MTCL1: variants seen among roughly 807,000 people sequenced by gnomAD.
The protein encoded by MTCL1 is microtubule crosslinking factor 1.
In MTCL1, 79 loss-of-function variants were observed where a neutral mutation model predicts 141.4. That is an observed-to-expected ratio of 0.56 (90% CI 0.47 to 0.67). The LOEUF (loss-of-function observed/expected upper bound fraction) is 0.67. Ranked by LOEUF, MTCL1 falls within the 30% of genes least tolerant of loss-of-function variation. MTCL1 has a pLI of 0.00. For missense variants in MTCL1, 2,177 were observed against 2,113.9 expected, an observed-to-expected ratio of 1.03 and a Z score of -0.59; for synonymous variants, 914 against 875.8, an observed-to-expected ratio of 1.04 and a Z score of -0.77.
chr18:8,769,730 T>C lies in MTCL1; in HGVS notation c.358-8103T>C, dbSNP rs185077805. On this transcript the variant is annotated intron_variant, in intron 4 of 16. Coordinates refer to ENST00000359865, the Ensembl canonical transcript of MTCL1. ...GCCTTCCCAAACTCTTTGACTTGGA[T>C]GCTGGGAATCCTGAACCATGCTCTG... Among the ~76,000 whole-genome samples, 13 of 152,348 alleles carry C rather than the reference T, an allele frequency of 8.5e-5. No homozygotes were observed. In the East Asian group the frequency reaches 2.5e-3, roughly 29 times the overall value.
chr18:8,776,846 C>T (rs530707745), intron 4 of MTCL1, among the ~76,000 whole-genome samples: 3 of 152,072 alleles, frequency 2.0e-5, no homozygotes, highest in African/African-American at 4.8e-5. Flanking sequence ...ATTGCAGCCT[C>T]GAACTCCTGG....
intron 4 of MTCL1, among the ~76,000 whole-genome samples, chr18:8,745,024 A>G (rs1454720622): frequency 2.0e-5 from 3 of 152,224 alleles, no homozygotes; most frequent in African/African-American, 7.2e-5. Flanking sequence ...TACAGCTGCC[A>G]ATGGAGGATC....
At chr18:8,768,406 C>T (rs1015707303) in intron 4 of MTCL1, among the ~76,000 whole-genome samples, 12 of 152,166 alleles carry the variant, frequency 7.9e-5, no homozygotes, top group Admixed American at 7.9e-4. Context: ...ACTGTATATA[C>T]AAAGTTTTAC....
At position 8,828,509 on chromosome 18, in the gene MTCL1, G is replaced by A. The variant is rs556369122; in HGVS notation, c.4723-399G>A. Among the ~76,000 whole-genome samples the A allele has an allele frequency of 6.6e-5, 10 of 152,284 alleles. No individual in the cohort carries two copies. In the South Asian group the frequency reaches 1.5e-3, roughly 22 times the overall value. ...CTTGGCTGTTGTGACCGAAACAAAC[G>A]CAGCCGTATAATAGTCTCTGTTTTA... is the stretch of plus-strand genomic sequence containing the variant. On this transcript the variant is annotated intron_variant, in intron 15 of 16. Coordinates refer to ENST00000359865, the Ensembl canonical transcript of MTCL1. The surrounding 1 kb of genome is among the most constrained non-coding windows in gnomAD (Gnocchi z 5.2).
Position 8,723,105 on chromosome 18 carries a change from C to T in MTCL1, c.357+2609C>T, listed in dbSNP as rs77572751. On this transcript the variant is annotated intron_variant, in intron 4 of 16. Coordinates refer to ENST00000359865, the Ensembl canonical transcript of MTCL1. ...CCATTGGAATGAAATAAGTATTTTA[C>T]TTCCAGAGTTGCATTCAGGGTGGTG... 5.0e-4 allele frequency among the ~76,000 whole-genome samples: 76 copies of T among 152,298 alleles called. 1 individual carries two copies. In the East Asian group the frequency reaches 0.014, roughly 28 times the overall value.
Position 8,786,619 on chromosome 18 carries a change from G to A in MTCL1, c.1887+528G>A, listed in dbSNP as rs572093702. 33 of 331,076 alleles carry A rather than the reference G, an allele frequency of 1.0e-4. 1 individual carries two copies. Among genetic ancestry groups the A allele is most frequent in the African/African-American group, 3.9e-4 (18 of 46,584 alleles). 20.5% of individuals were successfully genotyped at this position (331,076 alleles called of 1,614,324 possible). ...GCAGTGTCTGTCACCACAGTAACCCGGTATACACAAGGCTTCAGCCACCAC... is the reference window on the plus strand; with the variant it reads ...GCAGTGTCTGTCACCACAGTAACCCAGTATACACAAGGCTTCAGCCACCAC... On this transcript the variant is annotated intron_variant, in intron 7 of 16. Transcript: ENST00000359865.
At chr18:8,738,679 T>A (rs2096285893) in intron 4 of MTCL1, among the ~76,000 whole-genome samples, 1 of 152,236 alleles carries the variant, frequency 6.6e-6, no homozygotes, top group Non-Finnish European at 1.5e-5. Flanking sequence ...AACTGCTTTT[T>A]AAAGTCAGGT....
chr18:8,717,907 C>T (rs751940613), exon 2 of MTCL1: 109 of 992,284 alleles, frequency 1.1e-4, no homozygotes, highest in Non-Finnish European at 1.3e-4. Flanking sequence ...TGGATAGCGT[C>T]GCTTAGTCAA....
chr18:8,781,697 C>T (rs2096533191), intron 5 of MTCL1, among the ~76,000 whole-genome samples: 1 of 152,212 alleles, frequency 6.6e-6, no homozygotes, highest in African/African-American at 2.4e-5. Context: ...TTGACCCTCA[C>T]AACGACGTTG....
chr18:8,784,293 A>G (rs2096542963), exon 6 of MTCL1: 1 of 1,583,614 alleles, frequency 6.3e-7, no homozygotes, highest in South Asian at 1.2e-5. Context: ...GCGGGCAAGA[A>G]GGAGAGTGAT....
At chr18:8,781,947 T>G (rs1014055340) in intron 5 of MTCL1, 1 of 152,310 alleles carries the variant, frequency 6.6e-6, no homozygotes, top group Non-Finnish European at 1.5e-5. Flanking sequence ...GGCTGCACAC[T>G]TGGTCGTAGG....
chr18:8,722,304 G>A (rs1198153726), intron 4 of MTCL1, among the ~76,000 whole-genome samples: 1 of 152,130 alleles, frequency 6.6e-6, no homozygotes, highest in Non-Finnish European at 1.5e-5. Flanking sequence ...ATGTCTTGTA[G>A]TCCTAGATAC....
chr18:8,826,435 A>T (rs2077029505), intron 15 of MTCL1, among the ~76,000 whole-genome samples: 1 of 152,204 alleles, frequency 6.6e-6, no homozygotes, highest in African/African-American at 2.4e-5. Flanking sequence ...AGAAAATGTT[A>T]TTTTATTGTC....
chr18:8,812,721 T>C (rs555423174), intron 11 of MTCL1: 115 of 450,472 alleles, frequency 2.6e-4, no homozygotes, highest in African/African-American at 2.2e-3. Flanking sequence ...AGGCAAGAGA[T>C]AGTGGTGACT....
At chr18:8,767,736 A>G (rs1567999266) in intron 4 of MTCL1, among the ~76,000 whole-genome samples, 1 of 152,136 alleles carries the variant, frequency 6.6e-6, no homozygotes, top group Non-Finnish European at 1.5e-5. Flanking sequence ...GTCCTTAAAA[A>G]ATGAGAACCT....
At chr18:8,806,810 C>A in intron 10 of MTCL1, 83 bp from the exon 10 acceptor site, 2 of 1,266,234 alleles carry the variant, frequency 1.6e-6, no homozygotes, top group East Asian at 3.3e-5. Flanking sequence ...CCCCACACTA[C>A]CTTGATAGCC....
intron 12 of MTCL1, among the ~76,000 whole-genome samples, chr18:8,816,407 T>A (rs1312385538): frequency 6.6e-6 from 1 of 152,240 alleles, no homozygotes; most frequent in Non-Finnish European, 1.5e-5. Context: ...CTGCACCACA[T>A]GAGGCATGTT....
exon 8 of MTCL1, chr18:8,793,011 C>T: frequency 6.2e-7 from 1 of 1,614,036 alleles, no homozygotes; most frequent in Non-Finnish European, 8.5e-7. Context: ...AGGGGCCCCC[C>T]CGTTTTACCT....
chr18:8,726,513 G>C (rs1235866857), intron 4 of MTCL1, among the ~76,000 whole-genome samples: 4 of 133,046 alleles, frequency 3.0e-5, no homozygotes, highest in Non-Finnish European at 6.1e-5. Context: ...GCGCGCAAGA[G>C]CGAGCGAGAG....
Sources: allele counts gnomAD v4.1 joint callset (sites outside exome capture counted in the v4.1 genomes callset), GRCh38; gene constraint gnomAD v4.1.1; non-coding constraint Gnocchi (gnomAD v3.1); transcripts MANE v1.5; gene names NCBI Gene and HGNC (gene_info 2026-07-23, HGNC 2026-07-21).